Variants in WASHC4 observed in about 807,000 individuals in gnomAD.
WASHC4 encodes the protein WASH complex subunit 7.
WASHC4 carries 86 observed loss-of-function variants against 166.6 expected under a neutral mutation model. That is an observed-to-expected ratio of 0.52 (90% confidence interval 0.43 to 0.62). The LOEUF is 0.62. Ranked by LOEUF, WASHC4 falls within the 20% of genes least tolerant of loss-of-function variation. WASHC4 has a pLI of 0.00. For missense variants in WASHC4, 1,262 were observed against 1,382.4 expected (o/e 0.91, Z 1.38); for synonymous variants, 446 against 451.6 (o/e 0.99, Z 0.16).
At chr12:105,126,792 T>A (rs1397059952) in intron 12 of WASHC4, among the ~76,000 whole-genome samples, 6 of 152,046 alleles carry the variant, frequency 3.9e-5, no homozygotes, top group African/African-American at 7.2e-5. Context: ...GCCAATTTTT[T>A]AAAAAACTTA....
Position 105,168,570 on chromosome 12 carries a change from CTAGAA to C in WASHC4, c.*1640_*1644del. 1 of 152,084 alleles carries C rather than the reference CTAGAA, an allele frequency of 6.6e-6. No homozygotes were observed. Among genetic ancestry groups the C allele is most frequent in the East Asian group, 1.9e-4 (1 of 5,190 alleles). 9.4% of individuals were successfully genotyped at this position (152,084 alleles called of 1,614,324 possible). A position where few individuals can be genotyped will look rare whatever the true frequency, so the allele number is the denominator to read the frequency against. ...TCCTATTAAGGGATAGAAATTGTTA[CTAGAA>C]GAGAATCACATGTTCTGTGTTCATT... On this transcript the variant is annotated 3_prime_UTR_variant, in exon 33 of 33. Coordinates refer to ENST00000332180, the MANE Select transcript of WASHC4 (RefSeq NM_015275.3).
At chr12:105,129,517 T>C (rs191550412) in intron 13 of WASHC4, among the ~76,000 whole-genome samples, 2 of 152,350 alleles carry the variant, frequency 1.3e-5, no homozygotes, top group East Asian at 1.9e-4. Context: ...GTATATTCCA[T>C]GGAATTTTTA....
chr12:105,151,914 G>GT (rs1352053692), intron 25 of WASHC4, among the ~76,000 whole-genome samples: 5 of 152,260 alleles, frequency 3.3e-5, no homozygotes, highest in Admixed American at 2.6e-4. Context: ...CCAAAAAGTA[G>GT]TTTTTTTATT....
intron 13 of WASHC4, 130 bp from the exon 14 acceptor site, chr12:105,133,640 A>C: frequency 1.4e-6 from 1 of 731,964 alleles, no homozygotes; most frequent in Non-Finnish European, 2.4e-6. Context: ...ATATATGTCT[A>C]TGTAATATTT....
Position 105,156,745 on chromosome 12 carries a change from A to C in WASHC4, c.2778A>C (p.Val926=). The change falls in exon 27 of 33, where the codon GTA becomes GTC. Residue 926 remains valine, a synonymous_variant. Coordinates refer to ENST00000332180, the MANE Select transcript of WASHC4 (RefSeq NM_015275.3). ...ISQIGNAMGY[V]RMIRSGGLHC... ...TTTAAGGTAATGCTATGGGCTATGT[A>C]CGAATGATAAGATCTGGTGGTCTTC... 1 of 1,612,216 alleles carries C rather than the reference A, an allele frequency of 6.2e-7. No homozygotes were observed. Among genetic ancestry groups the C allele is most frequent in the Non-Finnish European group, 8.5e-7 (1 of 1,178,698 alleles).
chr12:105,154,917 C>G (rs1466433094), intron 26 of WASHC4, among the ~76,000 whole-genome samples: 1 of 152,160 alleles, frequency 6.6e-6, no homozygotes, highest in Admixed American at 6.5e-5. Flanking sequence ...AATGTCATTT[C>G]TCATATTGGG....
chr12:105,130,075 A>G (rs745662154), intron 13 of WASHC4, among the ~76,000 whole-genome samples: 46 of 152,344 alleles, frequency 3.0e-4, no homozygotes, highest in Non-Finnish European at 5.4e-4. Context: ...AGAAAACCCT[A>G]CAGAGATTAA....
chr12:105,154,993 T>C (rs1036965006), intron 26 of WASHC4: 4 of 152,250 alleles, frequency 2.6e-5, no homozygotes, highest in Non-Finnish European at 5.9e-5. Context: ...AGATAATGTA[T>C]GTAAAATGTA....
intron 26 of WASHC4, among the ~76,000 whole-genome samples, chr12:105,153,912 T>C (rs1436328999): frequency 6.6e-6 from 1 of 152,206 alleles, no homozygotes; most frequent in Non-Finnish European, 1.5e-5. Flanking sequence ...AAGTGTTCTT[T>C]GGTGTGCCAT....
chr12:105,142,782 C>A (rs1038096922), intron 19 of WASHC4, among the ~76,000 whole-genome samples: 1 of 151,954 alleles, frequency 6.6e-6, no homozygotes, highest in African/African-American at 2.4e-5. Flanking sequence ...ATTTTCATTT[C>A]ACTTAATTTT....
chr12:105,122,210 G>A lies in WASHC4; in HGVS notation c.758G>A (p.Gly253Glu), dbSNP rs759861720. ...GAAAAGTTCTTGCTGAAGCTAGAAG[G>A]GCAATTACTGGATGGAATGATATTC... Reference protein sequence around the residue: ...PFEKFLLKLEGQLLDGMIFQA... With the variant: ...PFEKFLLKLEEQLLDGMIFQA... The change falls in exon 10 of 33, where the codon GGG (glycine) becomes GAG (glutamate). Residue 253 changes from glycine to glutamate, a missense_variant. Gly to Glu is a moderately conservative substitution (Grantham distance 98). Coordinates refer to ENST00000332180, the MANE Select transcript of WASHC4 (RefSeq NM_015275.3). 1.2e-6 allele frequency: 2 copies of A among 1,612,664 alleles called. No individual in the cohort carries two copies. The highest frequency in any genetic ancestry group is 2.2e-5 in the South Asian group (2 of 91,052).
chr12:105,153,969 ATAT>A (rs1337214974), intron 26 of WASHC4, among the ~76,000 whole-genome samples: 16 of 152,056 alleles, frequency 1.1e-4, no homozygotes, highest in Non-Finnish European at 2.2e-4. Context: ...CAATTGGGGA[ATAT>A]TATCCTTTTC....
chr12:105,167,144 T>G lies in WASHC4; in HGVS notation c.*213T>G. 5.7e-6 allele frequency: 3 copies of G among 529,234 alleles called. No individual in the cohort carries two copies. The highest frequency in any genetic ancestry group is 3.1e-5 in the East Asian group (1 of 31,900). 32.8% of individuals were successfully genotyped at this position (529,234 alleles called of 1,614,324 possible). A position where few individuals can be genotyped will look rare whatever the true frequency, so the allele number is the denominator to read the frequency against. On this transcript the variant is annotated 3_prime_UTR_variant, in exon 33 of 33. Coordinates refer to ENST00000332180, the MANE Select transcript of WASHC4 (RefSeq NM_015275.3). ...TAAGAATGAGATTTTAAAATTGGAT[T>G]TTTGCCTGGACTTGAGGGTACAAGA...
In WASHC4 at chr12:105,144,362, G is replaced by T. The variant is rs200137679; in HGVS notation, c.2086G>T (p.Asp696Tyr). The T allele has an allele frequency of 5.2e-5, 84 of 1,613,226 alleles. No homozygotes were observed. The highest frequency in any genetic ancestry group is 5.0e-5 in the Admixed American group (3 of 59,976). ...LSVHTHLKLD[D>Y]RNPFKVGMKD... The stretch of plus-strand genomic sequence containing the variant: ...TGTGCATACTCATTTAAAGCTGGAT[G>T]ACCGAAACCCTTTCAAAGTTGGCAT... The change falls in exon 21 of 33, where the codon GAC (aspartate) becomes TAC (tyrosine). Residue 696 changes from aspartate (D) to tyrosine (Y), a missense_variant. Coordinates refer to ENST00000332180, the MANE Select transcript of WASHC4 (RefSeq NM_015275.3).
intron 29 of WASHC4, among the ~76,000 whole-genome samples, 192 bp downstream of exon 29, chr12:105,160,340 T>G (rs1884418821): frequency 6.6e-6 from 1 of 152,138 alleles, no homozygotes; most frequent in Non-Finnish European, 1.5e-5. Context: ...GGACACTTTC[T>G]TATTGTTAAA....
rs752482917 is a variant in WASHC4, at chr12:105,126,033, C to A, written c.816C>A (p.Leu272=). 1.2e-6 allele frequency: 2 copies of A among 1,612,340 alleles called. No homozygotes were observed. Among genetic ancestry groups the A allele is most frequent in the African/African-American group, 1.3e-5 (1 of 74,972 alleles). ...GTATAGAACAACAATTTGATTCTCT[C>A]AATGGAGGAGTATCTGTGTCAAAAA... is the stretch of plus-strand genomic sequence containing the variant. The part of the protein sequence containing the change: ...QACIEQQFDS[L]NGGVSVSKNS... Residue 272 remains leucine, a synonymous_variant, in exon 11 of 33, where the codon CTC becomes CTA. Coordinates refer to ENST00000332180, the MANE Select transcript of WASHC4 (RefSeq NM_015275.3).
At chr12:105,127,353 A>G in intron 13 of WASHC4, 64 bp downstream of exon 13, 1 of 1,115,792 alleles carries the variant, frequency 9.0e-7, no homozygotes, top group Non-Finnish European at 1.4e-6. Context: ...AGATTATACT[A>G]ACACTTAATG....
At chr12:105,148,499 T>C in intron 24 of WASHC4, 1 of 985,384 alleles carries the variant, frequency 1.0e-6, no homozygotes, top group Non-Finnish European at 1.2e-6. Flanking sequence ...AGATTACTGA[T>C]GTCTGTTGAT....
intron 24 of WASHC4, chr12:105,148,245 A>C (rs1360752926): frequency 1.2e-5 from 12 of 985,240 alleles, no homozygotes; most frequent in Non-Finnish European, 1.3e-5. Context: ...ACAATTTTAA[A>C]TTCCAAATGA....
Sources: allele counts gnomAD v4.1 joint callset (sites outside exome capture counted in the v4.1 genomes callset), GRCh38; gene constraint gnomAD v4.1.1; transcripts MANE v1.5; gene names NCBI Gene and HGNC (gene_info 2026-07-23, HGNC 2026-07-21).